Variants in OTOF observed in about 807,000 individuals in gnomAD.
OTOF encodes the protein otoferlin.
OTOF carries 218 observed loss-of-function variants against 236.8 expected under a neutral mutation model. That is an observed-to-expected ratio of 0.92 (90% CI 0.82 to 1.03). The LOEUF (loss-of-function observed/expected upper bound fraction) is 1.03. Ranked by LOEUF, OTOF falls within the 50% of genes least tolerant of loss-of-function variation. OTOF has a pLI of 0.00. For synonymous variants in OTOF, 1,041 were observed against 1,072.5 expected, an observed-to-expected ratio of 0.97 and a Z score of 0.57; for missense variants, 2,590 against 2,694.4, an observed-to-expected ratio of 0.96 and a Z score of 0.86.
chr2:26,467,562 G>C, intron 33 of OTOF, 61 bp from the exon 34 acceptor site: 5 of 1,569,416 alleles, frequency 3.2e-6, no homozygotes, highest in Middle Eastern at 1.8e-4. Context: ...GCCTGGATTC[G>C]AGACCCAGCT....
At chr2:26,484,388 G>A in intron 12 of OTOF, 86 bp downstream of exon 12, 1 of 1,410,092 alleles carries the variant, frequency 7.1e-7, no homozygotes, top group South Asian at 1.2e-5. Context: ...CGGGTGGCAG[G>A]TGCTCTCAGC....
chr2:26,538,792 G>A (rs1175045648), intron 1 of OTOF, among the ~76,000 whole-genome samples: 1 of 151,108 alleles, frequency 6.6e-6, no homozygotes, highest in Non-Finnish European at 1.5e-5. Flanking sequence ...GGAGCCAACA[G>A]GGCACCAGTG....
At chr2:26,535,549 C>G (rs538513721) in intron 2 of OTOF, among the ~76,000 whole-genome samples, 3 of 152,178 alleles carry the variant, frequency 2.0e-5, no homozygotes, top group Admixed American at 1.3e-4. Flanking sequence ...CCCCAGTGGG[C>G]GGGCAGCACT....
In OTOF at chr2:26,477,692, G is replaced by C; in HGVS notation, c.2272C>G (p.Arg758Gly). Reference protein sequence around the residue: ...MIKTEKSYPERRLRGVLEELS... With the variant: ...MIKTEKSYPEGRLRGVLEELS... ...TCCTCCAGGACGCCCCGCAGGCGAC[G>C]CTCAGGGTAGGACTTCTCCGTTTTG... The change falls in exon 19 of 47, where the codon CGT becomes GGT. Residue 758 changes from arginine (R) to glycine (G), a missense_variant. Transcript: ENST00000272371. This position sits in a 1 kb window ranked among gnomAD's most constrained non-coding sequence, Gnocchi z 4.7. 6.2e-7 allele frequency: 1 copy of C among 1,612,562 alleles called. No individual in the cohort carries two copies. The highest frequency in any genetic ancestry group is 2.2e-5 in the East Asian group (1 of 44,870).
intron 1 of OTOF, among the ~76,000 whole-genome samples, chr2:26,544,544 C>T (rs748713212): frequency 1.3e-5 from 2 of 152,112 alleles, no homozygotes. Flanking sequence ...AGTAATAGCC[C>T]GTTGCATGCC....
Position 26,537,794 on chromosome 2 carries a change from A to C in OTOF, c.80-20T>G, listed in dbSNP as rs2148122960. 6.5e-7 allele frequency: 1 copy of C among 1,540,132 alleles called. No individual in the cohort carries two copies. The highest frequency in any genetic ancestry group is 1.7e-4 in the Middle Eastern group (1 of 5,960). On this transcript the variant is annotated intron_variant, in intron 1 of 46. Coordinates refer to ENST00000272371, the MANE Select transcript of OTOF (RefSeq NM_194248.3). ...ATTGCCCTGTGGGGAAAGAGGAAATAAATTCTAGGGTCAGAGCTGTCCAGA... is the reference window on the plus strand; with the variant it reads ...ATTGCCCTGTGGGGAAAGAGGAAATCAATTCTAGGGTCAGAGCTGTCCAGA...
At chr2:26,540,886 A>C (rs1667196994) in intron 1 of OTOF, among the ~76,000 whole-genome samples, 1 of 152,236 alleles carries the variant, frequency 6.6e-6, no homozygotes, top group Non-Finnish European at 1.5e-5. Context: ...CATAAAAAAC[A>C]AAAAAATCAA....
chr2:26,510,854 G>A (rs1666368991), intron 5 of OTOF: 3 of 605,824 alleles, frequency 5.0e-6, no homozygotes, highest in Admixed American at 6.0e-5. Flanking sequence ...CGCTCCCCGG[G>A]GGCCTCCTTG....
At position 26,482,291 on chromosome 2, in the gene OTOF, G is replaced by A; in HGVS notation, c.1579+115C>T. On this transcript the variant is annotated intron_variant, in intron 14 of 46. Transcript: ENST00000272371. ...TGCTGGCAAGGCCCTGGAAGCACCT[G>A]TGAGGCTGAGGACCAGAGCTGATGA... 2.9e-6 allele frequency: 3 copies of A among 1,032,240 alleles called. No individual in the cohort carries two copies. In the African/African-American group the frequency reaches 4.7e-5, roughly 16 times the overall value. 63.9% of individuals were successfully genotyped at this position (1,032,240 alleles called of 1,614,324 possible).
Position 26,558,638 on chromosome 2 carries a change from C to T in OTOF, c.-67G>A, listed in dbSNP as rs13422586. ...GAAGGAGCTAGCCGGTGGAGCACGG[C>T]TCACACGCCTCTCTCTTCTCTGCCG... On this transcript the variant is annotated 5_prime_UTR_variant, in exon 1 of 47. Coordinates refer to ENST00000272371, the MANE Select transcript of OTOF (RefSeq NM_194248.3). The T allele has an allele frequency of 3.3e-3, 4,318 of 1,315,798 alleles. 98 individuals are homozygous for T. In the African/African-American group the frequency reaches 0.052, roughly 16 times the overall value. 81.5% of individuals were successfully genotyped at this position (1,315,798 alleles called of 1,614,324 possible).
chr2:26,536,908 A>G lies in OTOF; in HGVS notation c.138+808T>C, dbSNP rs1354334874. Among the ~76,000 whole-genome samples the G allele has an allele frequency of 6.6e-5, 10 of 152,274 alleles. No individual in the cohort carries two copies. The South Asian group carries it at 1.9e-3, about 28-fold the overall frequency. On this transcript the variant is annotated intron_variant, in intron 2 of 46. Transcript: ENST00000272371. ...ACGAAAGAATGTGAGGAGGCGGAGG[A>G]GGCCGCAGGCTGCTCGAGCTGGTGT...
chr2:26,474,251 G>T, intron 26 of OTOF, 141 bp from the exon 27 acceptor site: 1 of 1,203,264 alleles, frequency 8.3e-7, no homozygotes, highest in Non-Finnish European at 1.2e-6. Context: ...ATGGGTAGGA[G>T]AGAGGCCCCT....
Position 26,480,242 on chromosome 2 carries a change from T to C in OTOF, c.1873A>G (p.Arg625Gly). 1.2e-6 allele frequency: 2 copies of C among 1,613,022 alleles called. No individual in the cohort carries two copies. The highest frequency in any genetic ancestry group is 1.7e-6 in the Non-Finnish European group (2 of 1,179,604). ...AAGGTGATGGGCTTGTCTCCGTTTC[T>C]CCGGTCGATCATTGAGGCCTCCAGG... The part of the protein sequence containing the change: ...AFLEASMIDR[R>G]NGDKPITFEV... The change falls in exon 16 of 47, where the codon AGA becomes GGA. Residue 625 changes from arginine to glycine, a missense_variant. Transcript: ENST00000272371.
At chr2:26,471,220 C>G in intron 30 of OTOF, 70 bp from the exon 31 acceptor site, 1 of 1,566,836 alleles carries the variant, frequency 6.4e-7, no homozygotes, top group Non-Finnish European at 8.8e-7. Context: ...AGTGGCCTAG[C>G]ACAGGGTGTG....
chr2:26,500,941 C>G (rs2148077411), intron 8 of OTOF, among the ~76,000 whole-genome samples: 1 of 152,296 alleles, frequency 6.6e-6, no homozygotes, highest in African/African-American at 2.4e-5. Context: ...ATCCCCAGGA[C>G]AGAAGTGCAG....
Position 26,462,235 on chromosome 2 carries a change from G to T in OTOF, c.5193-54C>A. The T allele has an allele frequency of 6.7e-7, 1 of 1,502,448 alleles. No homozygotes were observed. Among genetic ancestry groups the T allele is most frequent in the Non-Finnish European group, 9.3e-7 (1 of 1,078,944 alleles). The allele number at this position is 1,502,448 out of a possible 1,614,324, so 93.1% of individuals were successfully genotyped here. ...CAGCCCCAGGTGGGGGTTATGCCAG[G>T]GTGCCAGGGCTGGGATGGGGCAGGC... On this transcript the variant is annotated intron_variant, in intron 41 of 46. Transcript: ENST00000272371. The surrounding 1 kb of genome is among the most constrained non-coding windows in gnomAD (Gnocchi z 4.7).
intron 8 of OTOF, among the ~76,000 whole-genome samples, chr2:26,497,089 CTT>C (rs201349303): frequency 4.4e-3 from 431 of 97,544 alleles, no homozygotes; most frequent in Non-Finnish European, 5.8e-3. Flanking sequence ...GTACATTCTT[CTT>C]TTTTTTTTTT....
rs753431860 is a variant in OTOF, at chr2:26,461,833, T to A, written c.5396A>T (p.Tyr1799Phe). 2 of 1,613,988 alleles carry A rather than the reference T, an allele frequency of 1.2e-6. No individual in the cohort carries two copies. The highest frequency in any genetic ancestry group is 1.7e-6 in the Non-Finnish European group (2 of 1,179,998). Residue 1799 changes from tyrosine (Y) to phenylalanine (F), a missense_variant, in exon 43 of 47, where the codon TAC becomes TTC. Coordinates refer to ENST00000272371, the MANE Select transcript of OTOF (RefSeq NM_194248.3). The surrounding 1 kb of genome is among the most constrained non-coding windows in gnomAD (Gnocchi z 6.2). ...GACGATCTTCTCCTCCGCCGCCAGG[T>A]AGTCGAAGGGGAACAGGTAGCGCCA... is the stretch of plus-strand genomic sequence containing the variant. ...FNWRYLFPFDYLAAEEKIVIS... is the reference protein window; with the variant it reads ...FNWRYLFPFDFLAAEEKIVIS...
At chr2:26,467,529 G>A in intron 33 of OTOF, 28 bp from the exon 34 acceptor site, 1 of 1,607,924 alleles carries the variant, frequency 6.2e-7, no homozygotes, top group Non-Finnish European at 8.5e-7. Flanking sequence ...AGGAGGTGGA[G>A]CAGAAATGAG....
Sources: gnomAD v4.1 joint callset for allele counts (sites outside exome capture counted in the v4.1 genomes callset) on GRCh38, gnomAD v4.1.1 for gene constraint, Gnocchi (gnomAD v3.1) non-coding constraint, MANE v1.5 for transcripts, NCBI Gene and HGNC (gene_info 2026-07-23, HGNC 2026-07-21) for gene names.